Variants in FAF1 observed in about 807,000 individuals in gnomAD.
FAF1 encodes the protein Fas associated factor 1.
Under a neutral mutation model 92.5 loss-of-function variants are expected in FAF1, and 25 were observed. The observed-to-expected ratio is 0.27, with a 90% CI of 0.20 to 0.38. The LOEUF (loss-of-function observed/expected upper bound fraction) is 0.38, where lower values mean the gene tolerates loss of function less well. Ranked by LOEUF, FAF1 falls within the 10% of genes least tolerant of loss-of-function variation. The probability of loss-of-function intolerance (pLI) is 1.00; values close to 1 mark genes in which losing one functional copy is unlikely to be tolerated. For synonymous variants in FAF1, 234 were observed against 273.2 expected (o/e 0.86, Z 1.42); for missense variants, 636 against 793.3 (o/e 0.80, Z 2.38).
Position 50,868,547 on chromosome 1 carries a change from T to C in FAF1, c.46-10550A>G, listed in dbSNP as rs117209433. 2.7e-3 allele frequency among the ~76,000 whole-genome samples: 405 copies of C among 152,328 alleles called. 11 individuals carry two copies. In the East Asian group the frequency reaches 0.04, roughly 15 times the overall value. On this transcript the variant is annotated intron_variant, in intron 1 of 18. Coordinates refer to ENST00000396153, the MANE Select transcript of FAF1 (RefSeq NM_007051.3). ...CTTCTAATGTAAGCATTTATAGCTG[T>C]AAATTTACCTCTAGGCACTGCTGTA...
At chr1:50,817,668 A>G (rs1643991628) in intron 2 of FAF1, among the ~76,000 whole-genome samples, 1 of 152,196 alleles carries the variant, frequency 6.6e-6, no homozygotes, top group Non-Finnish European at 1.5e-5. Flanking sequence ...TCACAATAAA[A>G]AAGATTTTAA....
At chr1:50,923,204 A>C (rs754125708) in intron 1 of FAF1, among the ~76,000 whole-genome samples, 3 of 152,324 alleles carry the variant, frequency 2.0e-5, no homozygotes, top group Non-Finnish European at 4.4e-5. Flanking sequence ...GGATTGCTTA[A>C]GCCCAGGAGT....
Position 50,655,532 on chromosome 1 carries a change from T to G in FAF1, c.658-4A>C. 1 of 1,576,376 alleles carries G rather than the reference T, an allele frequency of 6.3e-7. No homozygotes were observed. Among genetic ancestry groups the G allele is most frequent in the Admixed American group, 1.7e-5 (1 of 58,380 alleles). On this transcript the variant is annotated splice_region_variant and splice_polypyrimidine_tract_variant and intron_variant, in intron 7 of 18. Coordinates refer to ENST00000396153, the MANE Select transcript of FAF1 (RefSeq NM_007051.3). ...GGTCATACACATTTCTCTTTACCTA[T>G]GAAAAGAAAGAAACAGGACAATTAA...
intron 1 of FAF1, among the ~76,000 whole-genome samples, chr1:50,890,243 C>G (rs1212947194): frequency 1.3e-5 from 2 of 152,082 alleles, no homozygotes; most frequent in East Asian, 3.9e-4. Flanking sequence ...TTTATTTTGA[C>G]CCTATGTGTG....
chr1:50,947,623 A>T (rs1557600142), intron 1 of FAF1, among the ~76,000 whole-genome samples: 1 of 152,266 alleles, frequency 6.6e-6, no homozygotes, highest in Non-Finnish European at 1.5e-5. Context: ...TGAATAAAAC[A>T]GCAAATTCAG....
intron 5 of FAF1, among the ~76,000 whole-genome samples, chr1:50,739,679 C>A (rs566293716): frequency 6.6e-6 from 1 of 152,048 alleles, no homozygotes; most frequent in Non-Finnish European, 1.5e-5. Context: ...TCACTGAGAG[C>A]ACCTCAAGCC....
intron 2 of FAF1, among the ~76,000 whole-genome samples, chr1:50,829,258 G>A (rs1018849830): frequency 1.3e-5 from 2 of 152,120 alleles, no homozygotes; most frequent in Non-Finnish European, 2.9e-5. Flanking sequence ...GTAAGGGAGA[G>A]GCATTCCTGT....
intron 2 of FAF1, among the ~76,000 whole-genome samples, chr1:50,831,076 A>G (rs1435792396): frequency 2.6e-5 from 4 of 152,210 alleles, no homozygotes; most frequent in Non-Finnish European, 5.9e-5. Context: ...AAGAAACCAT[A>G]GTATATAGAA....
chr1:50,897,323 G>A (rs922898089), intron 1 of FAF1, among the ~76,000 whole-genome samples: 10 of 152,160 alleles, frequency 6.6e-5, no homozygotes, highest in Non-Finnish European at 1.5e-4. Flanking sequence ...GCACTGATGT[G>A]CATGGGCAGA....
At chr1:50,687,777 C>A (rs1157327673) in intron 7 of FAF1, among the ~76,000 whole-genome samples, 1 of 151,486 alleles carries the variant, frequency 6.6e-6, no homozygotes, top group South Asian at 2.1e-4. Context: ...CTCAAAATCA[C>A]TAGCCATTAC....
intron 18 of FAF1, among the ~76,000 whole-genome samples, chr1:50,456,814 T>C (rs549268004): frequency 4.6e-5 from 7 of 152,138 alleles, no homozygotes; most frequent in Non-Finnish European, 8.8e-5. Context: ...GGGAAAAGGG[T>C]ACCAGGAAAC....
At chr1:50,761,538 G>A (rs910773501) in intron 4 of FAF1, among the ~76,000 whole-genome samples, 23 of 151,902 alleles carry the variant, frequency 1.5e-4, no homozygotes, top group African/African-American at 3.9e-4. Context: ...TTCAATATAC[G>A]CAAATCAATA....
intron 6 of FAF1, among the ~76,000 whole-genome samples, chr1:50,729,270 G>T (rs753586342): frequency 6.6e-6 from 1 of 151,054 alleles, no homozygotes; most frequent in Non-Finnish European, 1.5e-5. Flanking sequence ...GAACAGGTTG[G>T]TCTCAAACTC....
In FAF1 at chr1:50,790,647, A is replaced by T. The variant is rs143067155; in HGVS notation, c.162-2442T>A. ...TGGTGGGGAGAGAGAGAACCATAGG[A>T]GTGTTTCAGTTGTAACATCAGTATT... On this transcript the variant is annotated intron_variant, in intron 3 of 18. Coordinates refer to ENST00000396153, the MANE Select transcript of FAF1 (RefSeq NM_007051.3). Among the ~76,000 whole-genome samples the T allele has an allele frequency of 5.1e-3, 774 of 151,914 alleles. 5 individuals carry two copies. The highest frequency in any genetic ancestry group is 0.017 in the African/African-American group (690 of 41,440).
chr1:50,662,416 T>C (rs973956892), intron 7 of FAF1, among the ~76,000 whole-genome samples: 1 of 152,170 alleles, frequency 6.6e-6, no homozygotes, highest in Non-Finnish European at 1.5e-5. Context: ...AATTTGACAA[T>C]TGCCTTTCTA....
Position 50,564,449 on chromosome 1 carries a change from A to G in FAF1, c.1268+2628T>C, listed in dbSNP as rs551365888. On this transcript the variant is annotated intron_variant, in intron 13 of 18. Transcript: ENST00000396153. ...TGTGATGCCTAGAAATCTCTTCTGT[A>G]TTTCCATATATTAATATGTCCCCAT... Among the ~76,000 whole-genome samples the G allele has an allele frequency of 1.2e-4, 18 of 152,258 alleles. 1 individual carries two copies. The South Asian group carries it at 3.7e-3, about 32-fold the overall frequency.
At chr1:50,491,203 C>T (rs1646835194) in intron 16 of FAF1, among the ~76,000 whole-genome samples, 1 of 152,222 alleles carries the variant, frequency 6.6e-6, no homozygotes, top group African/African-American at 2.4e-5. Flanking sequence ...CTCCTACTCA[C>T]TGAACTCTCA....
intron 7 of FAF1, among the ~76,000 whole-genome samples, chr1:50,704,140 C>T (rs1657580996): frequency 6.6e-6 from 1 of 152,122 alleles, no homozygotes; most frequent in Non-Finnish European, 1.5e-5. Flanking sequence ...AATAACTTGG[C>T]CATTATGCTC....
intron 8 of FAF1, among the ~76,000 whole-genome samples, chr1:50,598,448 C>G (rs1219951647): frequency 1.0e-5 from 1 of 100,314 alleles, no homozygotes; most frequent in Non-Finnish European, 1.9e-5. Flanking sequence ...GGTGATAAAG[C>G]AAGAACCTGT....
Sources: gnomAD v4.1 joint callset for allele counts (sites outside exome capture counted in the v4.1 genomes callset) on GRCh38, gnomAD v4.1.1 for gene constraint, MANE v1.5 for transcripts, NCBI Gene and HGNC (gene_info 2026-07-23, HGNC 2026-07-21) for gene names.